The following CDYL variants were observed in gnomAD, a reference collection of about 807,000 sequenced individuals.
CDYL encodes chromodomain Y-like protein.
In CDYL, 8 loss-of-function variants were observed where a neutral mutation model predicts 47.3. The observed-to-expected ratio is 0.17, with a 90% confidence interval of 0.10 to 0.31. The LOEUF (loss-of-function observed/expected upper bound fraction) is 0.31, where lower values mean the gene tolerates loss of function less well. Among genes scored for constraint, CDYL ranks in the 10% least tolerant of loss-of-function variants. The pLI, the probability that CDYL is intolerant of heterozygous loss-of-function variation, is 1.00. For missense variants in CDYL, 471 were observed against 701.4 expected (o/e 0.67, Z 3.71); for synonymous variants, 266 against 265.0 (o/e 1.00, Z -0.04).
intron 1 of CDYL, among the ~76,000 whole-genome samples, chr6:4,819,160 CTCTGTGTG>C (rs1240550745): frequency 3.3e-3 from 414 of 124,024 alleles, no homozygotes; most frequent in African/African-American, 7.0e-3. Context: ...CTCTCTCTCT[CTCTGTGTG>C]TGTGTGTGTG....
intron 2 of CDYL, among the ~76,000 whole-genome samples, chr6:4,909,745 T>A (rs1282986627): frequency 1.3e-5 from 2 of 152,042 alleles, no homozygotes; most frequent in Admixed American, 6.5e-5. Context: ...TATTTTTTTT[T>A]TTTTATTTTT....
intron 3 of CDYL, among the ~76,000 whole-genome samples, chr6:4,750,206 T>C (rs556982133): frequency 6.6e-6 from 1 of 151,900 alleles, no homozygotes; most frequent in African/African-American, 2.4e-5. Context: ...TTTAATTTAT[T>C]ATTATTATTA....
At chr6:4,889,786 A>G (rs1761991448) in intron 1 of CDYL, among the ~76,000 whole-genome samples, 1 of 152,186 alleles carries the variant, frequency 6.6e-6, no homozygotes. Context: ...TCCTGGTCTA[A>G]TGTGTCCACT....
At chr6:4,728,030 G>C (rs1300107967) in intron 2 of CDYL, among the ~76,000 whole-genome samples, 1 of 152,174 alleles carries the variant, frequency 6.6e-6, no homozygotes, top group East Asian at 1.9e-4. Flanking sequence ...GTTTACAACT[G>C]AGACGACCTA....
chr6:4,829,277 G>T (rs1760067838), intron 1 of CDYL, among the ~76,000 whole-genome samples: 1 of 152,118 alleles, frequency 6.6e-6, no homozygotes, highest in Non-Finnish European at 1.5e-5. Flanking sequence ...GCTGTTTAGT[G>T]ACATTTCCAC....
chr6:4,953,050 T>G (rs1181163075), intron 6 of CDYL, among the ~76,000 whole-genome samples: 1 of 150,496 alleles, frequency 6.6e-6, no homozygotes, highest in Non-Finnish European at 1.5e-5. Flanking sequence ...ATTACAGGCA[T>G]GAGCCACTGT....
chr6:4,925,659 G>T (rs370044203), intron 2 of CDYL, among the ~76,000 whole-genome samples: 1 of 151,954 alleles, frequency 6.6e-6, no homozygotes, highest in Non-Finnish European at 1.5e-5. Context: ...CTCGTGATCC[G>T]CCCACCTCGG....
At chr6:4,929,770 A>G (rs559150586) in intron 2 of CDYL, among the ~76,000 whole-genome samples, 36 of 152,308 alleles carry the variant, frequency 2.4e-4, no homozygotes, top group African/African-American at 8.7e-4. Flanking sequence ...CATTGAGATT[A>G]TAACAGTTTT....
At chr6:4,890,149 G>A (rs1302266037) in intron 1 of CDYL, 6 of 985,242 alleles carry the variant, frequency 6.1e-6, no homozygotes, top group Non-Finnish European at 7.2e-6. Flanking sequence ...GGAGGCAGGG[G>A]GAACATTAAA....
chr6:4,750,266 G>A (rs996356649), intron 3 of CDYL, among the ~76,000 whole-genome samples: 5 of 152,068 alleles, frequency 3.3e-5, no homozygotes, highest in East Asian at 1.9e-4. Context: ...GCAATGGCAC[G>A]ATCTTGGCTC....
At chr6:4,716,246 C>CA (rs35962503) in intron 2 of CDYL, among the ~76,000 whole-genome samples, 1,220 of 121,072 alleles carry the variant, frequency 0.01, 11 homozygotes, top group Middle Eastern at 0.025. Context: ...GACTCCATCT[C>CA]AAAAAAAAAA....
intron 5 of CDYL, among the ~76,000 whole-genome samples, chr6:4,944,626 G>T (rs1323796186): frequency 6.6e-6 from 1 of 152,170 alleles, no homozygotes; most frequent in Non-Finnish European, 1.5e-5. Context: ...CCTTTTGGGG[G>T]CCAGCTCCTT....
intron 1 of CDYL, among the ~76,000 whole-genome samples, chr6:4,707,049 A>G (rs1757059007): frequency 1.3e-5 from 2 of 152,144 alleles, no homozygotes; most frequent in Non-Finnish European, 2.9e-5. Flanking sequence ...GTTTTCTACA[A>G]TAAGGGCCTC....
At chr6:4,812,126 T>C (rs1759546754) in intron 1 of CDYL, among the ~76,000 whole-genome samples, 1 of 152,236 alleles carries the variant, frequency 6.6e-6, no homozygotes, top group Admixed American at 6.5e-5. Flanking sequence ...GTATACATGT[T>C]TTCTATAGTG....
intron 1 of CDYL, among the ~76,000 whole-genome samples, chr6:4,715,436 T>A (rs1194011648): frequency 6.6e-6 from 1 of 152,250 alleles, no homozygotes; most frequent in South Asian, 2.1e-4. Flanking sequence ...CTTGGCTTAC[T>A]TACTCTTCCA....
chr6:4,725,279 G>C (rs569562955), intron 2 of CDYL, among the ~76,000 whole-genome samples: 1 of 152,242 alleles, frequency 6.6e-6, no homozygotes, highest in Non-Finnish European at 1.5e-5. Flanking sequence ...AGTGGATCCC[G>C]CACCGAGGGT....
chr6:4,758,279 C>G (rs933168359), intron 3 of CDYL, among the ~76,000 whole-genome samples: 2 of 151,404 alleles, frequency 1.3e-5, no homozygotes. Flanking sequence ...GCAGAGGTTG[C>G]AGTGAGCTAA....
chr6:4,877,729 C>A (rs1761658457), intron 1 of CDYL, among the ~76,000 whole-genome samples: 1 of 152,142 alleles, frequency 6.6e-6, no homozygotes, highest in Non-Finnish European at 1.5e-5. Flanking sequence ...AAATCTGTTG[C>A]TTTATGATGT....
chr6:4,880,013 T>C (rs1761721984), intron 1 of CDYL, among the ~76,000 whole-genome samples: 1 of 152,182 alleles, frequency 6.6e-6, no homozygotes, highest in Admixed American at 6.5e-5. Context: ...GTGATACAGC[T>C]GTTACACTTG....
Sources: gnomAD v4.1 joint callset for allele counts (sites outside exome capture counted in the v4.1 genomes callset) on GRCh38, gnomAD v4.1.1 for gene constraint, MANE v1.5 for transcripts, NCBI Gene and HGNC (gene_info 2026-07-23, HGNC 2026-07-21) for gene names.